ASAP1: variants seen among roughly 807,000 people sequenced by gnomAD.
The protein encoded by ASAP1 is arf-GAP with SH3 domain, ANK repeat and PH domain-containing protein 1.
Under a neutral mutation model 145.2 loss-of-function variants are expected in ASAP1, and 43 were observed. That is an observed-to-expected ratio of 0.30 (90% CI 0.23 to 0.38). The LOEUF is 0.38. Ranked by LOEUF, ASAP1 falls within the 10% of genes least tolerant of loss-of-function variation. The probability of loss-of-function intolerance (pLI) is 1.00; values close to 1 mark genes in which losing one functional copy is unlikely to be tolerated. For missense variants in ASAP1, 1,018 were observed against 1,355.3 expected, an observed-to-expected ratio of 0.75 and a Z score of 3.91; for synonymous variants, 546 against 515.5, an observed-to-expected ratio of 1.06 and a Z score of -0.80.
Position 130,054,750 on chromosome 8 carries a change from A to G in ASAP1, c.3371T>C (p.Val1124Ala). ...ERKGVFPVSFVHILSD is the reference protein window; with the variant it reads ...ERKGVFPVSFAHILSD ...GTTTTGCTAGTCAGACAGGATATGA[A>G]CAAAGGACACTGGAAAGACCCCCTT... Residue 1124 changes from valine (V) to alanine (A), a missense_variant, in exon 30 of 30, where the codon GTT becomes GCT. Transcript: ENST00000518721. The G allele has an allele frequency of 1.2e-6, 2 of 1,613,730 alleles. No homozygotes were observed. Among genetic ancestry groups the G allele is most frequent in the South Asian group, 1.1e-5 (1 of 91,084 alleles).
chr8:130,306,234 G>A (rs536533791), intron 3 of ASAP1, among the ~76,000 whole-genome samples: 6 of 152,188 alleles, frequency 3.9e-5, no homozygotes, highest in Non-Finnish European at 7.3e-5. Flanking sequence ...CAATCTAGCA[G>A]AGTAGGCACT....
intron 4 of ASAP1, among the ~76,000 whole-genome samples, chr8:130,225,086 C>G (rs1817514529): frequency 6.6e-6 from 1 of 152,220 alleles, no homozygotes; most frequent in Non-Finnish European, 1.5e-5. Flanking sequence ...TGTCCATTAA[C>G]ATTTCCTTTT....
intron 2 of ASAP1, among the ~76,000 whole-genome samples, chr8:130,382,024 A>C (rs935996811): frequency 2.6e-5 from 4 of 152,114 alleles, no homozygotes; most frequent in African/African-American, 9.7e-5. Context: ...TGGTGGCTCA[A>C]GCCTGTAATC....
intron 18 of ASAP1, 78 bp downstream of exon 18, chr8:130,123,935 A>G (rs1564986813): frequency 6.7e-6 from 8 of 1,201,524 alleles, no homozygotes; most frequent in Non-Finnish European, 9.7e-6. Flanking sequence ...GCCAAAAAAA[A>G]AAAAAGAAGT....
intron 27 of ASAP1, among the ~76,000 whole-genome samples, chr8:130,068,959 C>T (rs143478941): frequency 6.6e-6 from 1 of 152,278 alleles, no homozygotes; most frequent in East Asian, 1.9e-4. Context: ...AATTTGCTGT[C>T]TCAGCTTCCC....
intron 1 of ASAP1, among the ~76,000 whole-genome samples, chr8:130,441,321 A>C (rs1303876665): frequency 3.3e-5 from 5 of 152,178 alleles, no homozygotes; most frequent in Admixed American, 6.5e-5. Flanking sequence ...AGGACTTCTT[A>C]GGAGGTAACA....
intron 5 of ASAP1, among the ~76,000 whole-genome samples, chr8:130,200,044 A>G (rs992824002): frequency 1.3e-5 from 2 of 152,232 alleles, no homozygotes; most frequent in African/African-American, 4.8e-5. Flanking sequence ...CAAGGCACCA[A>G]CTATGACCTA....
At chr8:130,065,684 G>C (rs1029212561) in intron 27 of ASAP1, among the ~76,000 whole-genome samples, 1 of 152,144 alleles carries the variant, frequency 6.6e-6, no homozygotes, top group Admixed American at 6.5e-5. Context: ...CAAAACAAAT[G>C]TATCTATCAG....
intron 3 of ASAP1, among the ~76,000 whole-genome samples, chr8:130,326,575 G>C (rs1824346934): frequency 6.6e-6 from 1 of 152,214 alleles, no homozygotes; most frequent in Non-Finnish European, 1.5e-5. Flanking sequence ...CCTGAAAAAA[G>C]CTTAAACAGC....
chr8:130,283,983 T>C (rs34387098), intron 3 of ASAP1, among the ~76,000 whole-genome samples: 29,818 of 152,170 alleles, frequency 0.2, 3,745 homozygotes, highest in African/African-American at 0.35. Context: ...GGTATTGCAC[T>C]GACTGTATCC....
chr8:130,322,051 T>C (rs1315313492), intron 3 of ASAP1, among the ~76,000 whole-genome samples: 1 of 152,230 alleles, frequency 6.6e-6, no homozygotes, highest in Admixed American at 6.5e-5. Flanking sequence ...ATAAATGTAA[T>C]GAAGATGCTA....
chr8:130,108,763 T>TTTTG, intron 24 of ASAP1, among the ~76,000 whole-genome samples: 1 of 61,688 alleles, frequency 1.6e-5, no homozygotes, highest in Non-Finnish European at 3.7e-5. Flanking sequence ...ACCAGTTTTT[T>TTTTG]TTTTTTTTTT....
chr8:130,318,732 G>A (rs2943086), intron 3 of ASAP1, among the ~76,000 whole-genome samples: 44,770 of 152,068 alleles, frequency 0.29, 6,640 homozygotes, highest in Admixed American at 0.31. Flanking sequence ...ATAGAGTTGG[G>A]GTTCAGTCCA....
chr8:130,197,457 G>T (rs1586573934), intron 5 of ASAP1, among the ~76,000 whole-genome samples: 2 of 99,700 alleles, frequency 2.0e-5, no homozygotes, highest in East Asian at 6.2e-4. Flanking sequence ...AAAGAAAAAA[G>T]AAAAGAAAAG....
At chr8:130,194,230 C>T (rs986648703) in intron 5 of ASAP1, among the ~76,000 whole-genome samples, 3 of 151,738 alleles carry the variant, frequency 2.0e-5, no homozygotes, top group East Asian at 1.9e-4. Context: ...CCCAGGAAAA[C>T]GTAGGTTAAT....
chr8:130,086,723 G>C (rs1427838090), intron 25 of ASAP1, among the ~76,000 whole-genome samples: 3 of 152,210 alleles, frequency 2.0e-5, no homozygotes. Flanking sequence ...AAGATAGCTT[G>C]AGCCTGTGAG....
At chr8:130,296,021 AGCCT>A (rs886569668) in intron 3 of ASAP1, among the ~76,000 whole-genome samples, 2 of 152,202 alleles carry the variant, frequency 1.3e-5, no homozygotes, top group Admixed American at 1.3e-4. Flanking sequence ...ATGAGTAAAA[AGCCT>A]GCCTTGCTCA....
intron 4 of ASAP1, among the ~76,000 whole-genome samples, chr8:130,233,300 T>C (rs891267418): frequency 2.0e-5 from 3 of 152,192 alleles, no homozygotes; most frequent in African/African-American, 7.2e-5. Context: ...CTCAGAGAGC[T>C]TCCCAGGTAG....
intron 23 of ASAP1, among the ~76,000 whole-genome samples, chr8:130,113,139 T>G (rs1159651367): frequency 6.6e-6 from 1 of 152,192 alleles, no homozygotes; most frequent in East Asian, 1.9e-4. Context: ...TCTGTGGGCT[T>G]CTGACTGCTT....
Sources: allele counts gnomAD v4.1 joint callset (sites outside exome capture counted in the v4.1 genomes callset), GRCh38; gene constraint gnomAD v4.1.1; transcripts MANE v1.5; gene names NCBI Gene and HGNC (gene_info 2026-07-23, HGNC 2026-07-21).